Variants in TFDP2 observed in about 807,000 individuals in gnomAD.
The protein encoded by TFDP2 is transcription factor Dp-2.
TFDP2 carries 17 observed loss-of-function variants against 59.3 expected under a neutral mutation model. The observed-to-expected ratio is 0.29, with a 90% confidence interval of 0.20 to 0.43. The LOEUF is 0.43. Among genes scored for constraint, TFDP2 ranks in the 20% least tolerant of loss-of-function variants. TFDP2 has a pLI of 1.00. For missense variants in TFDP2, 391 were observed against 528.8 expected, an observed-to-expected ratio of 0.74 and a Z score of 2.56; for synonymous variants, 180 against 194.7, an observed-to-expected ratio of 0.92 and a Z score of 0.63.
chr3:142,149,369 C>A lies in TFDP2; in HGVS notation c.-279G>T. The stretch of plus-strand genomic sequence containing the variant: ...GGAGTTTGAGGCCCCAGAACGCCAA[C>A]CGTGCGCGCGCCCTCGAGCCTGCCC... On this transcript the variant is annotated 5_prime_UTR_variant, in exon 1 of 13. Coordinates refer to ENST00000489671, the MANE Select transcript of TFDP2 (RefSeq NM_001178139.2). 2.6e-6 allele frequency: 1 copy of A among 390,000 alleles called. No individual in the cohort carries two copies. Among genetic ancestry groups the A allele is most frequent in the Non-Finnish European group, 4.5e-6 (1 of 220,932 alleles). 24.2% of individuals were successfully genotyped at this position (390,000 alleles called of 1,614,324 possible). A position where few individuals can be genotyped will look rare whatever the true frequency, so the allele number is the denominator to read the frequency against.
At chr3:142,027,757 CG>C (rs917125314) in intron 3 of TFDP2, among the ~76,000 whole-genome samples, 6 of 151,848 alleles carry the variant, frequency 4.0e-5, no homozygotes, top group Non-Finnish European at 8.8e-5. Flanking sequence ...TCATATATTC[CG>C]GGGTCATTAA....
chr3:142,043,926 C>A, intron 3 of TFDP2: 1 of 849,538 alleles, frequency 1.2e-6, no homozygotes, highest in Non-Finnish European at 2.0e-6. Flanking sequence ...ACATGACCTT[C>A]TCTGGCATTC....
chr3:141,956,956 T>G (rs1171100378), intron 11 of TFDP2, among the ~76,000 whole-genome samples: 1 of 50,998 alleles, frequency 2.0e-5, no homozygotes, highest in African/African-American at 7.8e-5. Flanking sequence ...CCCACAAAAA[T>G]CACAGCGAGA....
At position 142,022,533 on chromosome 3, in the gene TFDP2, C is replaced by T. The variant is rs114340493; in HGVS notation, c.83-16989G>A. On this transcript the variant is annotated intron_variant, in intron 3 of 12. Coordinates refer to ENST00000489671, the MANE Select transcript of TFDP2 (RefSeq NM_001178139.2). ...CCAGATGGCACACAGACACTGTTTA[C>T]AGGCCTAGTAAAAGAGAAAGCACAG... is the stretch of plus-strand genomic sequence containing the variant. 5.5e-3 allele frequency among the ~76,000 whole-genome samples: 841 copies of T among 152,246 alleles called. 7 individuals carry two copies. Among genetic ancestry groups the T allele is most frequent in the African/African-American group, 0.019 (794 of 41,542 alleles).
chr3:142,040,882 T>G (rs1429899820), intron 3 of TFDP2, among the ~76,000 whole-genome samples: 1 of 152,160 alleles, frequency 6.6e-6, no homozygotes, highest in East Asian at 1.9e-4. Flanking sequence ...GCAGCCTGGA[T>G]GACAGAGCAA....
chr3:142,007,024 C>T (rs1944274277), intron 3 of TFDP2, among the ~76,000 whole-genome samples: 1 of 152,164 alleles, frequency 6.6e-6, no homozygotes, highest in Admixed American at 6.5e-5. Flanking sequence ...AATCGCCTGC[C>T]TCAGCCTCCC....
At chr3:142,014,683 T>C (rs886479208) in intron 3 of TFDP2, among the ~76,000 whole-genome samples, 1 of 152,178 alleles carries the variant, frequency 6.6e-6, no homozygotes, top group Non-Finnish European at 1.5e-5. Context: ...AGGTAGTTCA[T>C]CTTCTTGTCT....
chr3:142,081,684 T>C (rs2060642809), intron 3 of TFDP2, among the ~76,000 whole-genome samples: 1 of 152,168 alleles, frequency 6.6e-6, no homozygotes, highest in Admixed American at 6.6e-5. Flanking sequence ...TAGTGGCTAC[T>C]AGGAGCAACA....
chr3:141,989,312 G>A (rs1222209956), intron 6 of TFDP2: 1 of 152,258 alleles, frequency 6.6e-6, no homozygotes, highest in Non-Finnish European at 1.5e-5. Context: ...TTCTCTGGAT[G>A]TGAGTGGGCC....
At chr3:142,082,813 T>C (rs540836411) in intron 3 of TFDP2, among the ~76,000 whole-genome samples, 2 of 152,242 alleles carry the variant, frequency 1.3e-5, no homozygotes, top group South Asian at 4.2e-4. Flanking sequence ...TTTGATAAAA[T>C]TCAACATCGC....
intron 3 of TFDP2, among the ~76,000 whole-genome samples, chr3:142,038,755 T>C (rs1417554725): frequency 6.6e-6 from 1 of 152,150 alleles, no homozygotes; most frequent in Non-Finnish European, 1.5e-5. Flanking sequence ...AAAAAGGGGA[T>C]CACACCATAC....
chr3:141,989,266 A>C (rs140378958), intron 6 of TFDP2: 2 of 152,342 alleles, frequency 1.3e-5, no homozygotes, highest in Non-Finnish European at 2.9e-5. Context: ...TGTTTTCCTA[A>C]GAAGGTTCCC....
intron 11 of TFDP2, among the ~76,000 whole-genome samples, chr3:141,954,252 C>T (rs1936285932): frequency 2.0e-5 from 3 of 152,218 alleles, no homozygotes; most frequent in Non-Finnish European, 4.4e-5. Context: ...CCTATGACAA[C>T]ACTGATCAAT....
intron 3 of TFDP2, among the ~76,000 whole-genome samples, chr3:142,013,641 G>A (rs1265520656): frequency 3.9e-5 from 6 of 152,142 alleles, no homozygotes; most frequent in African/African-American, 1.4e-4. Flanking sequence ...TAGAGAAGTG[G>A]CTAAGAAACA....
At chr3:142,117,216 C>G (rs1436960594) in intron 1 of TFDP2, among the ~76,000 whole-genome samples, 1 of 151,984 alleles carries the variant, frequency 6.6e-6, no homozygotes, top group Non-Finnish European at 1.5e-5. Context: ...CCACTGCACC[C>G]GGCCCGAAAA....
chr3:142,093,134 A>G lies in TFDP2; in HGVS notation c.16-7T>C. ...TTGTGGAAGTCAAACCAACCTGAAT[A>G]AAACCGTTTAAAAAGTTAAAAATAG... On this transcript the variant is annotated splice_polypyrimidine_tract_variant and splice_region_variant and intron_variant, in intron 2 of 12. Transcript: ENST00000489671. 6.5e-7 allele frequency: 1 copy of G among 1,529,352 alleles called. No individual in the cohort carries two copies. The highest frequency in any genetic ancestry group is 8.7e-7 in the Non-Finnish European group (1 of 1,144,424). 94.7% of individuals were successfully genotyped at this position (1,529,352 alleles called of 1,614,324 possible).
Position 142,074,453 on chromosome 3 carries a change from C to G in TFDP2, c.82+18608G>C, listed in dbSNP as rs185645394. Among the ~76,000 whole-genome samples, 4 of 152,244 alleles carry G rather than the reference C, an allele frequency of 2.6e-5. No homozygotes were observed. The East Asian group carries it at 7.7e-4, about 29-fold the overall frequency. ...ATATGCTGGGTGCAGTGGCTCACAC[C>G]TGCAATCCCAACACTTTGGGAGACC... On this transcript the variant is annotated intron_variant, in intron 3 of 12. Coordinates refer to ENST00000489671, the MANE Select transcript of TFDP2 (RefSeq NM_001178139.2).
At chr3:142,045,239 A>T (rs1196392653) in intron 3 of TFDP2, among the ~76,000 whole-genome samples, 2 of 148,258 alleles carry the variant, frequency 1.3e-5, no homozygotes, top group Non-Finnish European at 1.5e-5. Flanking sequence ...GGCCCATTGC[A>T]ACCTCTGCCT....
intron 3 of TFDP2, among the ~76,000 whole-genome samples, chr3:142,087,486 T>A (rs2108601442): frequency 6.6e-6 from 1 of 151,976 alleles, no homozygotes; most frequent in East Asian, 1.9e-4. Flanking sequence ...TTTCTTATTA[T>A]TTCACATACT....
Sources: gnomAD v4.1 joint callset for allele counts (sites outside exome capture counted in the v4.1 genomes callset) on GRCh38, gnomAD v4.1.1 for gene constraint, MANE v1.5 for transcripts, NCBI Gene and HGNC (gene_info 2026-07-23, HGNC 2026-07-21) for gene names.